The following BRPF1 variants were observed in gnomAD, a reference collection of about 807,000 sequenced individuals.
The protein encoded by BRPF1 is peregrin.
A neutral mutation model predicts 115.0 loss-of-function variants in BRPF1; 15 were observed. The ratio of observed to expected loss-of-function variants is 0.13; its 90% confidence interval spans 0.09 to 0.20. BRPF1 has a LOEUF of 0.20. Ranked by LOEUF, BRPF1 falls within the 10% of genes least tolerant of loss-of-function variation. The probability of loss-of-function intolerance (pLI) is 1.00; values close to 1 mark genes in which losing one functional copy is unlikely to be tolerated. For missense variants in BRPF1, 1,118 were observed against 1,638.3 expected (o/e 0.68, Z 5.48); for synonymous variants, 647 against 619.8 (o/e 1.04, Z -0.65).
Position 9,734,274 on chromosome 3 carries a change from A to G in BRPF1, c.134A>G (p.Tyr45Cys), listed in dbSNP as rs1189289338. ...YSGIEYHLYH[Y>C]DHDNPPPPQQ... ...GGTATTGAGTACCACCTGTACCACT[A>G]TGACCACGACAACCCACCACCCCCA... The change falls in exon 2 of 14, where the codon TAT becomes TGT. Residue 45 changes from tyrosine (Y) to cysteine (C), a missense_variant. Tyr to Cys is a radical substitution (Grantham distance 194, BLOSUM62 -2). Coordinates refer to ENST00000383829, the MANE Select transcript of BRPF1 (RefSeq NM_001003694.2). This position sits in a 1 kb window ranked among gnomAD's most constrained non-coding sequence, Gnocchi z 5.7. 6.2e-7 allele frequency: 1 copy of G among 1,614,130 alleles called. No individual in the cohort carries two copies. Among genetic ancestry groups the G allele is most frequent in the Non-Finnish European group, 8.5e-7 (1 of 1,180,024 alleles).
Position 9,734,120 on chromosome 3 carries a change from G to T in BRPF1, c.-10-11G>T. ...TCCCCAGCCTTATGTTAACTGATCT[G>T]TGTATTCTAGATGTGACAGCATGGG... On this transcript the variant is annotated splice_polypyrimidine_tract_variant and intron_variant, in intron 1 of 13. Transcript: ENST00000383829. The surrounding 1 kb of genome is among the most constrained non-coding windows in gnomAD (Gnocchi z 5.7). The T allele has an allele frequency of 6.3e-7, 1 of 1,579,086 alleles. No homozygotes were observed. Among genetic ancestry groups the T allele is most frequent in the South Asian group, 1.2e-5 (1 of 85,392 alleles).
At chr3:9,741,651 A>G (rs1316236868) in intron 5 of BRPF1, among the ~76,000 whole-genome samples, 1 of 151,946 alleles carries the variant, frequency 6.6e-6, no homozygotes, top group East Asian at 1.9e-4. Context: ...AAAAAAAAAA[A>G]AAAAAGACCC....
rs766489514 is a variant in BRPF1 at position 9,744,958 on chromosome 3, C to T, written c.2921-50C>T. ...CTCTTACCTCCATGTCATCTCTGATCTACATCTTCCTGACCGGTTCCTTCC... is the reference window on the plus strand; with the variant it reads ...CTCTTACCTCCATGTCATCTCTGATTTACATCTTCCTGACCGGTTCCTTCC... On this transcript the variant is annotated intron_variant, in intron 9 of 13. Transcript: ENST00000383829. 1.1e-5 allele frequency: 17 copies of T among 1,612,126 alleles called. No individual in the cohort carries two copies. The Middle Eastern group carries it at 1.5e-3, about 141-fold the overall frequency.
rs1033457013 is a variant in BRPF1, at chr3:9,745,373, C to T, written c.3069-200C>T. On this transcript the variant is annotated intron_variant, in intron 10 of 13. Coordinates refer to ENST00000383829, the MANE Select transcript of BRPF1 (RefSeq NM_001003694.2). This position sits in a 1 kb window ranked among gnomAD's most constrained non-coding sequence, Gnocchi z 5.1. ...AAGGTGATGATTAGAGTATGCACTC[C>T]TGCCGCCACTGCTCAGGCTAACCCA... 6.6e-6 allele frequency among the ~76,000 whole-genome samples: 1 copy of T among 152,272 alleles called. No homozygotes were observed. The highest frequency in any genetic ancestry group is 2.4e-5 in the African/African-American group (1 of 41,474).
chr3:9,742,912 C>A, intron 6 of BRPF1, 32 bp from the exon 7 acceptor site: 1 of 1,597,780 alleles, frequency 6.3e-7, no homozygotes, highest in Non-Finnish European at 8.6e-7. Flanking sequence ...GAGGATATCT[C>A]CACTTAAAAC....
chr3:9,739,551 C>T lies in BRPF1; in HGVS notation c.1152C>T (p.Leu384=). 6.2e-7 allele frequency: 1 copy of T among 1,613,058 alleles called. No homozygotes were observed. The highest frequency in any genetic ancestry group is 1.7e-5 in the Admixed American group (1 of 60,004). Residue 384 remains leucine, a synonymous_variant, in exon 3 of 14, where the codon CTC becomes CTT. Transcript: ENST00000383829. ...IEHIPPARWK[L]TCYICKQRGS... is the part of the protein sequence containing the mutation. ...ACATCCCACCAGCTCGCTGGAAGCT[C>T]ACCTGCTACATTTGCAAACAACGGG...
At chr3:9,736,874 A>G (rs193300446) in intron 2 of BRPF1, among the ~76,000 whole-genome samples, 2 of 152,324 alleles carry the variant, frequency 1.3e-5, no homozygotes, top group Admixed American at 1.3e-4. Context: ...AGAGGGTGGC[A>G]TGTCAGCTGG....
At chr3:9,742,907 T>A in intron 6 of BRPF1, 37 bp from the exon 7 acceptor site, 1 of 1,594,184 alleles carries the variant, frequency 6.3e-7, no homozygotes, top group Non-Finnish European at 8.6e-7. Context: ...ATAAGGAGGA[T>A]ATCTCCACTT....
In BRPF1 at chr3:9,738,986, G is replaced by A. The variant is rs771863964; in HGVS notation, c.600-13G>A. The A allele has an allele frequency of 2.0e-6, 3 of 1,537,384 alleles. No individual in the cohort carries two copies. Among genetic ancestry groups the A allele is most frequent in the South Asian group, 2.5e-5 (2 of 79,182 alleles). ...TCAACCATGTGATGCTGAGTTCCCT[G>A]TTTGTACCGTAGGTACATCGAGAAG... On this transcript the variant is annotated splice_polypyrimidine_tract_variant and intron_variant, in intron 2 of 13. Transcript: ENST00000383829.
Position 9,740,866 on chromosome 3 carries a change from G to A in BRPF1, c.1647G>A (p.Gln549=). 6.2e-7 allele frequency: 1 copy of A among 1,614,110 alleles called. No homozygotes were observed. ...ACAGCTACTGGACACTGAAGCGGCA[G>A]TCACGGAATGGGGTCCCATTGCTAC... The part of the protein sequence containing the change: ...RLHSYWTLKR[Q]SRNGVPLLRR... The change falls in exon 4 of 14, where the codon CAG becomes CAA. Residue 549 remains glutamine (Q), a synonymous_variant. Coordinates refer to ENST00000383829, the MANE Select transcript of BRPF1 (RefSeq NM_001003694.2).
intron 2 of BRPF1, among the ~76,000 whole-genome samples, chr3:9,736,251 C>A (rs2076939816): frequency 6.6e-6 from 1 of 151,948 alleles, no homozygotes; most frequent in Non-Finnish European, 1.5e-5. Context: ...CATGATCCAC[C>A]CGCCTCAGCC....
chr3:9,735,194 G>A (rs2076920156), intron 2 of BRPF1, among the ~76,000 whole-genome samples: 1 of 151,878 alleles, frequency 6.6e-6, no homozygotes, highest in Non-Finnish European at 1.5e-5. Context: ...AAAATTTTTT[G>A]TAGAGATGGG....
chr3:9,744,037 A>G (rs2077079206), intron 8 of BRPF1, 136 bp downstream of exon 8: 3 of 1,306,288 alleles, frequency 2.3e-6, no homozygotes, highest in Non-Finnish European at 2.1e-6. Context: ...TTCCCCAATC[A>G]GGGGCCTCTT....
intron 6 of BRPF1, 127 bp from the exon 7 acceptor site, chr3:9,742,817 A>G (rs1264427720): frequency 1.9e-6 from 2 of 1,053,690 alleles, no homozygotes; most frequent in Admixed American, 2.6e-5. Context: ...CCCCTGTGCT[A>G]TATGCCTGCC....
At chr3:9,741,710 C>T (rs1020564074) in intron 5 of BRPF1, among the ~76,000 whole-genome samples, 15 of 151,294 alleles carry the variant, frequency 9.9e-5, no homozygotes, top group African/African-American at 3.4e-4. Flanking sequence ...GCAGGGCTGA[C>T]GCTGGAGTCA....
chr3:9,745,513 A>G lies in BRPF1; in HGVS notation c.3069-60A>G. ...CGGGCTTTAAGAGCTGAGGGCACAT[A>G]CCATGCTGTTCCCCATTCTTCCCCT... On this transcript the variant is annotated intron_variant, in intron 10 of 13. Coordinates refer to ENST00000383829, the MANE Select transcript of BRPF1 (RefSeq NM_001003694.2). This position sits in a 1 kb window ranked among gnomAD's most constrained non-coding sequence, Gnocchi z 5.1. 6.4e-7 allele frequency: 1 copy of G among 1,573,780 alleles called. No homozygotes were observed.
rs150442469 is a variant in BRPF1 at position 9,743,017 on chromosome 3, G to A, written c.2075G>A (p.Arg692His). 35 of 1,614,050 alleles carry A rather than the reference G, an allele frequency of 2.2e-5. No homozygotes were observed. Among genetic ancestry groups the A allele is most frequent in the Admixed American group, 1.2e-4 (7 of 60,006 alleles). Reference sequence around the variant, plus strand: ...ATGAAGCAGAACTTGGAGGCTTACCGCTACCTGAATTTTGATGATTTTGAG... The same window carrying A: ...ATGAAGCAGAACTTGGAGGCTTACCACTACCTGAATTTTGATGATTTTGAG... ...FTMKQNLEAY[R>H]YLNFDDFEED... The change falls in exon 7 of 14, where the codon CGC becomes CAC. Residue 692 changes from arginine to histidine, a missense_variant. This residue lies in a region of BRPF1 where 178 missense variants were observed against 303.7 expected (regional missense o/e 0.59). Coordinates refer to ENST00000383829, the MANE Select transcript of BRPF1 (RefSeq NM_001003694.2). The surrounding 1 kb of genome is among the most constrained non-coding windows in gnomAD (Gnocchi z 6.1).
At chr3:9,733,245 C>T (rs922776171) in intron 1 of BRPF1, 1 of 152,222 alleles carries the variant, frequency 6.6e-6, no homozygotes, top group Non-Finnish European at 1.5e-5. Context: ...TTTCTGTGAT[C>T]CAGTGATTTC....
Position 9,739,639 on chromosome 3 carries a change from G to T in BRPF1, c.1240G>T (p.Ala414Ser), listed in dbSNP as rs2076996518. The T allele has an allele frequency of 6.2e-7, 1 of 1,610,288 alleles. No homozygotes were observed. The highest frequency in any genetic ancestry group is 1.7e-5 in the Admixed American group (1 of 59,946). Residue 414 changes from alanine to serine, a missense_variant, in exon 3 of 14, where the codon GCC (alanine) becomes TCC (serine). Ala to Ser is a moderately conservative substitution (Grantham distance 99). Around this residue, in one of 10 missense-constraint regions of BRPF1, gnomAD observed 64 missense variants for 172.8 expected, o/e 0.37. Coordinates refer to ENST00000383829, the MANE Select transcript of BRPF1 (RefSeq NM_001003694.2). ...TTACACAGCTTTCCATGTGACATGC[G>T]CCCAGCAGGCTGGCCTTTACATGAA... ...NCYTAFHVTCAQQAGLYMKME... is the reference protein window; with the variant it reads ...NCYTAFHVTCSQQAGLYMKME...
Sources: gnomAD v4.1 joint callset for allele counts (sites outside exome capture counted in the v4.1 genomes callset) on GRCh38, gnomAD v4.1.1 for gene constraint, gnomAD v4.1.1 regional missense constraint, Gnocchi (gnomAD v3.1) non-coding constraint, MANE v1.5 for transcripts, NCBI Gene and HGNC (gene_info 2026-07-23, HGNC 2026-07-21) for gene names.